FHIT: variants seen among roughly 807,000 people sequenced by gnomAD.
FHIT encodes the protein bis(5'-adenosyl)-triphosphatase.
FHIT carries 19 observed loss-of-function variants against 17.9 expected under a neutral mutation model. The observed-to-expected ratio is 1.06, with a 90% CI of 0.74 to 1.56. The LOEUF (loss-of-function observed/expected upper bound fraction) is 1.56, where lower values mean the gene tolerates loss of function less well. FHIT is among the 40% of genes most tolerant of loss of function. FHIT has a pLI of 0.00. For missense variants in FHIT, 248 were observed against 189.2 expected, an observed-to-expected ratio of 1.31 and a Z score of -1.82; for synonymous variants, 81 against 69.7, an observed-to-expected ratio of 1.16 and a Z score of -0.81.
chr3:59,825,614 C>A (rs1700950305), intron 8 of FHIT, among the ~76,000 whole-genome samples: 1 of 152,174 alleles, frequency 6.6e-6, no homozygotes, highest in Non-Finnish European at 1.5e-5. Flanking sequence ...GCTATAAAAC[C>A]ATGTCTAAGG....
At chr3:60,233,669 A>C (rs1414470823) in intron 5 of FHIT, among the ~76,000 whole-genome samples, 1 of 151,980 alleles carries the variant, frequency 6.6e-6, no homozygotes, top group East Asian at 1.9e-4. Context: ...CTGTGTCCCC[A>C]CTCAAAACTC....
chr3:60,906,379 TG>T (rs1706417377), intron 3 of FHIT, among the ~76,000 whole-genome samples: 1 of 152,224 alleles, frequency 6.6e-6, no homozygotes, highest in African/African-American at 2.4e-5. Context: ...GAGTTGTACA[TG>T]GTAACATACA....
intron 3 of FHIT, among the ~76,000 whole-genome samples, chr3:60,953,586 G>A (rs1183319149): frequency 2.6e-5 from 4 of 152,098 alleles, no homozygotes; most frequent in Non-Finnish European, 5.9e-5. Flanking sequence ...CTTTTATCAC[G>A]TGGTCTATCA....
chr3:60,759,900 G>A (rs781834663), intron 4 of FHIT, among the ~76,000 whole-genome samples: 1 of 152,014 alleles, frequency 6.6e-6, no homozygotes, highest in Non-Finnish European at 1.5e-5. Flanking sequence ...AATTATGCAG[G>A]CTTCTTTCTT....
intron 4 of FHIT, among the ~76,000 whole-genome samples, chr3:60,810,348 C>G (rs1701536612): frequency 1.3e-5 from 2 of 152,138 alleles, no homozygotes; most frequent in South Asian, 4.1e-4. Flanking sequence ...TAAAAGCAAA[C>G]TGAAATATTA....
chr3:60,499,175 G>A (rs536089202), intron 5 of FHIT, among the ~76,000 whole-genome samples: 127 of 152,182 alleles, frequency 8.3e-4, no homozygotes, highest in African/African-American at 3.0e-3. Context: ...GCTGGGGGAT[G>A]GTGAATATAG....
chr3:60,143,943 G>A (rs1321858991), intron 5 of FHIT, among the ~76,000 whole-genome samples: 1 of 152,166 alleles, frequency 6.6e-6, no homozygotes, highest in Non-Finnish European at 1.5e-5. Context: ...GAGGCAAGCA[G>A]TAGGTCATAC....
At chr3:60,183,759 T>A (rs1702043282) in intron 5 of FHIT, among the ~76,000 whole-genome samples, 1 of 152,142 alleles carries the variant, frequency 6.6e-6, no homozygotes, top group African/African-American at 2.4e-5. Flanking sequence ...CCAGTAACTT[T>A]TACTAAGAAA....
intron 4 of FHIT, among the ~76,000 whole-genome samples, chr3:60,660,379 A>C (rs4600784): frequency 0.25 from 37,341 of 151,946 alleles, 5,419 homozygotes; most frequent in East Asian, 0.73. Context: ...TACTCCTGGA[A>C]TCTGTGCAAG....
chr3:60,655,958 T>C (rs1386970074), intron 4 of FHIT, among the ~76,000 whole-genome samples: 1 of 152,222 alleles, frequency 6.6e-6, no homozygotes, highest in Non-Finnish European at 1.5e-5. Flanking sequence ...CTGGTGTCCA[T>C]GTTATTTAGA....
intron 3 of FHIT, among the ~76,000 whole-genome samples, chr3:60,882,760 A>G (rs896710852): frequency 3.3e-5 from 5 of 152,166 alleles, no homozygotes; most frequent in Non-Finnish European, 5.9e-5. Context: ...CTAACATTAT[A>G]CTGAACAGGG....
At chr3:60,047,800 G>A (rs1397074271) in intron 5 of FHIT, among the ~76,000 whole-genome samples, 1 of 152,192 alleles carries the variant, frequency 6.6e-6, no homozygotes, top group Non-Finnish European at 1.5e-5. Flanking sequence ...CCCAGAGCCA[G>A]TAACGAGCAG....
chr3:60,689,296 G>T (rs1176757703), intron 4 of FHIT, among the ~76,000 whole-genome samples: 1 of 151,998 alleles, frequency 6.6e-6, no homozygotes, highest in African/African-American at 2.4e-5. Flanking sequence ...GTCTTTATCA[G>T]CAGCAGTAAA....
At chr3:61,171,648 A>T (rs960831849) in intron 2 of FHIT, among the ~76,000 whole-genome samples, 3 of 152,218 alleles carry the variant, frequency 2.0e-5, no homozygotes, top group African/African-American at 7.2e-5. Context: ...GTGAAACAGG[A>T]TGATTATGGG....
intron 7 of FHIT, among the ~76,000 whole-genome samples, chr3:59,960,951 T>G (rs146961340): frequency 0.021 from 3,261 of 152,282 alleles, 80 homozygotes; most frequent in Middle Eastern, 0.034. Flanking sequence ...ATAGATTAAA[T>G]TTGAATAGTG....
chr3:60,799,316 G>A (rs2736734), intron 4 of FHIT, among the ~76,000 whole-genome samples: 56,015 of 151,796 alleles, frequency 0.37, 12,384 homozygotes, highest in East Asian at 0.76. Flanking sequence ...CTGGGATCAC[G>A]GGCATGTGCC....
intron 5 of FHIT, among the ~76,000 whole-genome samples, chr3:60,178,523 T>C (rs1034553365): frequency 1.3e-5 from 2 of 151,880 alleles, no homozygotes; most frequent in Non-Finnish European, 2.9e-5. Context: ...GAGGCAGAGG[T>C]TGCAGTGAGC....
chr3:60,362,533 G>T (rs1434004520), intron 5 of FHIT, among the ~76,000 whole-genome samples: 3 of 152,182 alleles, frequency 2.0e-5, no homozygotes, highest in Non-Finnish European at 4.4e-5. Flanking sequence ...TAAGGACAGT[G>T]TGTTAGTTAC....
At chr3:61,139,891 T>C (rs142664373) in intron 2 of FHIT, among the ~76,000 whole-genome samples, 162 of 152,200 alleles carry the variant, frequency 1.1e-3, no homozygotes, top group African/African-American at 3.5e-3. Context: ...AATTCACTTT[T>C]AGAAAATTCA....
Sources: allele counts gnomAD v4.1 joint callset (sites outside exome capture counted in the v4.1 genomes callset), GRCh38; gene constraint gnomAD v4.1.1; transcripts MANE v1.5; gene names NCBI Gene and HGNC (gene_info 2026-07-23, HGNC 2026-07-21).